The following NDUFA7 variants were observed in gnomAD, a reference collection of about 807,000 sequenced individuals.
NDUFA7 encodes NADH dehydrogenase [ubiquinone] 1 alpha subcomplex subunit 7.
Under a neutral mutation model 14.2 loss-of-function variants are expected in NDUFA7, and 18 were observed. The observed-to-expected ratio is 1.27, with a 90% CI of 0.88 to 1.88. NDUFA7 has a LOEUF of 1.88. Ranked by LOEUF, NDUFA7 falls within the 40% of genes most tolerant of loss-of-function variation. The pLI is 0.00. For synonymous variants in NDUFA7, 75 were observed against 62.1 expected (o/e 1.21, Z -0.98); for missense variants, 172 against 147.3 (o/e 1.17, Z -0.87).
At chr19:8,318,400 G>A (rs890724894) in intron 2 of NDUFA7, among the ~76,000 whole-genome samples, 7 of 151,666 alleles carry the variant, frequency 4.6e-5, no homozygotes, top group African/African-American at 7.3e-5. Flanking sequence ...CGCCTGCCTC[G>A]GCCTCCCAAA....
intron 3 of NDUFA7, among the ~76,000 whole-genome samples, chr19:8,313,442 C>G (rs959805532): frequency 2.0e-5 from 3 of 151,884 alleles, no homozygotes; most frequent in Non-Finnish European, 2.9e-5. Context: ...ATGTTAGCCA[C>G]GATGGTCTCG....
intron 2 of NDUFA7, 144 bp downstream of exon 2, chr19:8,320,713 G>A (rs1347740588): frequency 1.6e-5 from 17 of 1,037,296 alleles, no homozygotes; most frequent in Admixed American, 1.4e-4. Flanking sequence ...CAAGGTTAAA[G>A]GCAAACCTCT....
chr19:8,311,642 G>A (rs1568561449), intron 3 of NDUFA7, 47 bp from the exon 4 acceptor site: 2 of 1,554,656 alleles, frequency 1.3e-6, no homozygotes, highest in South Asian at 2.3e-5. Flanking sequence ...GAACAGTGTG[G>A]AAAGATCTGA....
chr19:8,320,625 C>G (rs1313244854), intron 2 of NDUFA7, among the ~76,000 whole-genome samples: 1 of 152,222 alleles, frequency 6.6e-6, no homozygotes, highest in African/African-American at 2.4e-5. Context: ...ACGCTGAGCA[C>G]TGCAAATCTA....
intron 2 of NDUFA7, among the ~76,000 whole-genome samples, chr19:8,318,438 A>G (rs1970260938): frequency 6.6e-6 from 1 of 151,710 alleles, no homozygotes; most frequent in Non-Finnish European, 1.5e-5. Context: ...ATGAGCCACC[A>G]TGCCCAGTCA....
chr19:8,321,138 C>T, intron 1 of NDUFA7, 170 bp downstream of exon 1: 1 of 969,088 alleles, frequency 1.0e-6, no homozygotes, highest in Non-Finnish European at 1.5e-6. Flanking sequence ...CTGAGTGGTT[C>T]CCAGGCCAGG....
At chr19:8,314,683 G>C (rs74905935) in intron 3 of NDUFA7, among the ~76,000 whole-genome samples, 237 of 152,304 alleles carry the variant, frequency 1.6e-3, no homozygotes, top group Non-Finnish European at 2.9e-3. Flanking sequence ...GGAGGCCAAC[G>C]CGGGCAGATC....
intron 2 of NDUFA7, among the ~76,000 whole-genome samples, chr19:8,320,149 C>T (rs1057121790): frequency 6.6e-6 from 1 of 152,172 alleles, no homozygotes; most frequent in South Asian, 2.1e-4. Context: ...CCACCGCGCC[C>T]GGTCAGAATG....
intron 2 of NDUFA7, among the ~76,000 whole-genome samples, chr19:8,319,791 G>A (rs1220047885): frequency 6.6e-6 from 1 of 151,742 alleles, no homozygotes; most frequent in Non-Finnish European, 1.5e-5. Context: ...TTCCACTCAG[G>A]CTCTGTCCAG....
chr19:8,310,312 C>T (rs1024880587), downstream of NDUFA7, among the ~76,000 whole-genome samples: 24 of 152,162 alleles, frequency 1.6e-4, no homozygotes, highest in African/African-American at 5.8e-4. Context: ...GCCTGTAATC[C>T]CAGCTACTCG....
intron 2 of NDUFA7, among the ~76,000 whole-genome samples, chr19:8,317,639 T>C (rs191804332): frequency 1.3e-5 from 2 of 152,324 alleles, no homozygotes; most frequent in Admixed American, 6.5e-5. Flanking sequence ...CTGGGAACTG[T>C]TTCCCGGAAT....
chr19:8,317,465 C>T (rs535037989), intron 2 of NDUFA7, among the ~76,000 whole-genome samples: 12 of 152,120 alleles, frequency 7.9e-5, no homozygotes, highest in Non-Finnish European at 1.5e-4. Flanking sequence ...GCTGAGATCA[C>T]GCCACTACAC....
chr19:8,311,438 T>C lies in NDUFA7; in HGVS notation c.*67A>G. The C allele has an allele frequency of 7.9e-7, 1 of 1,263,510 alleles. No individual in the cohort carries two copies. Among genetic ancestry groups the C allele is most frequent in the Non-Finnish European group, 1.1e-6 (1 of 897,432 alleles). 78.3% of individuals were successfully genotyped at this position (1,263,510 alleles called of 1,614,324 possible). A position where few individuals can be genotyped will look rare whatever the true frequency, so the allele number is the denominator to read the frequency against. The stretch of plus-strand genomic sequence containing the variant: ...TGAGCTCTACGTATTTGTCATAAAT[T>C]AGGTCACATTCTCCCTGGAGGAAAT... On this transcript the variant is annotated 3_prime_UTR_variant, in exon 4 of 4. Coordinates refer to ENST00000301457, the MANE Select transcript of NDUFA7 (RefSeq NM_005001.5).
intron 3 of NDUFA7, among the ~76,000 whole-genome samples, chr19:8,315,614 CT>C (rs1970223697): frequency 1.3e-5 from 2 of 152,142 alleles, no homozygotes; most frequent in Non-Finnish European, 1.5e-5. Context: ...CCACATCCCC[CT>C]CTCACACATC....
intron 2 of NDUFA7, among the ~76,000 whole-genome samples, chr19:8,320,426 G>A (rs945998749): frequency 8.5e-5 from 13 of 152,160 alleles, no homozygotes; most frequent in African/African-American, 2.9e-4. Context: ...CAAGGCTGAG[G>A]TCATACATGA....
intron 3 of NDUFA7, among the ~76,000 whole-genome samples, chr19:8,316,049 C>G (rs535432624): frequency 6.7e-6 from 1 of 149,616 alleles, no homozygotes; most frequent in South Asian, 2.1e-4. Context: ...ACTTGAGAGG[C>G]TGAGGCAGAG....
chr19:8,314,319 C>CAA (rs1429158763), intron 3 of NDUFA7, among the ~76,000 whole-genome samples: 1 of 151,276 alleles, frequency 6.6e-6, no homozygotes, highest in Non-Finnish European at 1.5e-5. Flanking sequence ...GAGACTGTCT[C>CAA]AAAATAAATA....
Position 8,320,862 on chromosome 19 carries a change from G to T in NDUFA7, c.96C>A (p.Ser32=). ...GKLQLRYQEI[S]KRTQPPPKLP... is the part of the protein sequence containing the mutation. Reference sequence around the variant, plus strand: ...AGCGAGCGGGGCCTGCTCACCGCTTGGAGATCTCCTGGTAGCGTAGCTGCA... The same window carrying T: ...AGCGAGCGGGGCCTGCTCACCGCTTTGAGATCTCCTGGTAGCGTAGCTGCA... The change falls in exon 2 of 4, where the codon TCC becomes TCA. Residue 32 remains serine, a synonymous_variant. Coordinates refer to ENST00000301457, the MANE Select transcript of NDUFA7 (RefSeq NM_005001.5). 6.2e-7 allele frequency: 1 copy of T among 1,613,774 alleles called. No individual in the cohort carries two copies. Among genetic ancestry groups the T allele is most frequent in the Middle Eastern group, 1.7e-4 (1 of 6,060 alleles).
At chr19:8,312,507 C>T (rs1182027109) in intron 3 of NDUFA7, among the ~76,000 whole-genome samples, 1 of 152,144 alleles carries the variant, frequency 6.6e-6, no homozygotes, top group Non-Finnish European at 1.5e-5. Flanking sequence ...TTGAGACAGA[C>T]TCTTGCTCTG....
Sources: allele counts gnomAD v4.1 joint callset (sites outside exome capture counted in the v4.1 genomes callset), GRCh38; gene constraint gnomAD v4.1.1; transcripts MANE v1.5; gene names NCBI Gene and HGNC (gene_info 2026-07-23, HGNC 2026-07-21).